CSMD2: variants seen among roughly 807,000 people sequenced by gnomAD.
CSMD2 encodes CUB and sushi domain-containing protein 2.
Under a neutral mutation model 398.5 loss-of-function variants are expected in CSMD2, and 130 were observed. The observed-to-expected ratio is 0.33, with a 90% CI of 0.28 to 0.38. CSMD2 has a LOEUF of 0.38. Among genes scored for constraint, CSMD2 ranks in the 10% least tolerant of loss-of-function variants. The pLI, the probability that CSMD2 is intolerant of heterozygous loss-of-function variation, is 1.00. For synonymous variants in CSMD2, 1,828 were observed against 1,908.5 expected, an observed-to-expected ratio of 0.96 and a Z score of 1.10; for missense variants, 3,829 against 4,764.9, an observed-to-expected ratio of 0.80 and a Z score of 5.78.
chr1:33,691,524 T>C (rs1645240398), intron 25 of CSMD2, among the ~76,000 whole-genome samples: 1 of 152,230 alleles, frequency 6.6e-6, no homozygotes, highest in Admixed American at 6.5e-5. Context: ...TCTATATTTC[T>C]TGCAGCAAAA....
chr1:33,688,677 G>A (rs996484015), intron 25 of CSMD2, among the ~76,000 whole-genome samples: 3 of 151,890 alleles, frequency 2.0e-5, no homozygotes, highest in Non-Finnish European at 2.9e-5. Context: ...TTAGCCAGGC[G>A]TGATGGCGCT....
chr1:33,777,616 C>T (rs569494517), intron 12 of CSMD2, among the ~76,000 whole-genome samples: 6 of 152,184 alleles, frequency 3.9e-5, no homozygotes, highest in Non-Finnish European at 8.8e-5. Context: ...ATCACACATG[C>T]AATTTCCTGT....
At chr1:34,102,567 C>T (rs1389675628) in intron 1 of CSMD2, among the ~76,000 whole-genome samples, 1 of 151,448 alleles carries the variant, frequency 6.6e-6, no homozygotes, top group East Asian at 1.9e-4. Context: ...CCAACCATAT[C>T]CCTGTGATCC....
rs912357143 is a variant in CSMD2 at position 33,982,005 on chromosome 1, G to A, written c.518-46051C>T. ...GGCTGTAAGTCTGCTGATTTGTGCC[G>A]AGGGCATGGGTGAAGGCAGAGAAGG... On this transcript the variant is annotated intron_variant, in intron 3 of 70. Coordinates refer to ENST00000373381, the MANE Select transcript of CSMD2 (RefSeq NM_001281956.2). Among the ~76,000 whole-genome samples the A allele has an allele frequency of 3.9e-5, 6 of 152,306 alleles. 1 individual carries two copies. The highest frequency in any genetic ancestry group is 4.1e-4 in the South Asian group (2 of 4,822).
Position 33,518,545 on chromosome 1 carries a change from C to A in CSMD2, c.*53+920G>T, listed in dbSNP as rs1356757917. Among the ~76,000 whole-genome samples, 1 of 152,168 alleles carries A rather than the reference C, an allele frequency of 6.6e-6. No individual in the cohort carries two copies. Among genetic ancestry groups the A allele is most frequent in the African/African-American group, 2.4e-5 (1 of 41,430 alleles). ...GGTGCTCAGTTGATGGGTCAAACAC[C>A]AATCTGGATATTGCTGTGAAGGTAT... On this transcript the variant is annotated intron_variant, in intron 70 of 70. Coordinates refer to ENST00000373381, the MANE Select transcript of CSMD2 (RefSeq NM_001281956.2). This position sits in a 1 kb window ranked among gnomAD's most constrained non-coding sequence, Gnocchi z 4.3.
intron 53 of CSMD2, among the ~76,000 whole-genome samples, chr1:33,561,967 G>T (rs1478057387): frequency 6.6e-6 from 1 of 152,102 alleles, no homozygotes; most frequent in Non-Finnish European, 1.5e-5. Context: ...GAAGAATGTT[G>T]AGGATTAAAA....
At chr1:33,574,908 A>G (rs1659926133) in intron 49 of CSMD2, among the ~76,000 whole-genome samples, 1 of 152,236 alleles carries the variant, frequency 6.6e-6, no homozygotes, top group Admixed American at 6.5e-5. Context: ...AAATACTTGG[A>G]TCTCCACTGG....
intron 3 of CSMD2, among the ~76,000 whole-genome samples, chr1:33,999,824 AAAAAG>A (rs1414777573): frequency 6.6e-6 from 1 of 152,238 alleles, no homozygotes; most frequent in Non-Finnish European, 1.5e-5. Flanking sequence ...TATACTCAAA[AAAAAG>A]AAGAAGAAAA....
At chr1:33,994,247 G>A (rs1047285782) in intron 3 of CSMD2, among the ~76,000 whole-genome samples, 2 of 152,126 alleles carry the variant, frequency 1.3e-5, no homozygotes, top group South Asian at 2.1e-4. Context: ...TGGATCCAGC[G>A]GGGTATGCTT....
intron 3 of CSMD2, 137 bp downstream of exon 3, chr1:34,032,457 G>A (rs1304077695): frequency 4.7e-5 from 26 of 553,316 alleles, no homozygotes; most frequent in Non-Finnish European, 7.4e-5. Flanking sequence ...TTACTGGTTA[G>A]TAACCAGCCT....
chr1:33,738,061 A>G (rs1646939539), intron 15 of CSMD2, among the ~76,000 whole-genome samples: 1 of 151,804 alleles, frequency 6.6e-6, no homozygotes, highest in Non-Finnish European at 1.5e-5. Context: ...CTTGTCTCCC[A>G]TCGAGCCATT....
intron 3 of CSMD2, among the ~76,000 whole-genome samples, chr1:33,967,470 C>G (rs188666480): frequency 3.3e-5 from 5 of 152,276 alleles, no homozygotes; most frequent in Admixed American, 3.3e-4. Context: ...AGTGTGCACA[C>G]CCTCTTTCCC....
At chr1:33,612,617 A>G (rs1641083266) in intron 40 of CSMD2, among the ~76,000 whole-genome samples, 1 of 151,994 alleles carries the variant, frequency 6.6e-6, no homozygotes, top group African/African-American at 2.4e-5. Context: ...TTATCCAACC[A>G]TACAGTTCAC....
chr1:33,913,006 G>A (rs1194091642), intron 5 of CSMD2, among the ~76,000 whole-genome samples: 1 of 151,982 alleles, frequency 6.6e-6, no homozygotes, highest in African/African-American at 2.4e-5. Context: ...AGAGACAGGT[G>A]TCTCCATGTT....
intron 2 of CSMD2, among the ~76,000 whole-genome samples, chr1:34,084,648 A>G (rs1382974469): frequency 6.6e-6 from 1 of 152,156 alleles, no homozygotes; most frequent in Non-Finnish European, 1.5e-5. Context: ...ATCACTGGCC[A>G]TCAGAGAAAT....
intron 23 of CSMD2, among the ~76,000 whole-genome samples, chr1:33,700,100 C>A (rs986855329): frequency 9.9e-5 from 15 of 152,012 alleles, no homozygotes; most frequent in South Asian, 2.1e-4. Context: ...CCTCTGCCTT[C>A]CGGGTTCAAG....
At chr1:33,955,473 A>C (rs979142189) in intron 3 of CSMD2, among the ~76,000 whole-genome samples, 17 of 152,122 alleles carry the variant, frequency 1.1e-4, no homozygotes, top group South Asian at 1.0e-3. Flanking sequence ...CTTCTTAATT[A>C]GTTTCCTCAT....
intron 2 of CSMD2, among the ~76,000 whole-genome samples, chr1:34,068,242 T>G (rs536992774): frequency 1.1e-4 from 16 of 152,320 alleles, no homozygotes; most frequent in African/African-American, 3.8e-4. Flanking sequence ...ATAAAGTCCT[T>G]CCTCATCCTG....
At chr1:33,679,884 G>A (rs945199058) in intron 25 of CSMD2, among the ~76,000 whole-genome samples, 2 of 150,340 alleles carry the variant, frequency 1.3e-5, no homozygotes, top group South Asian at 2.1e-4. Flanking sequence ...AGCATTCCCT[G>A]TGTCTCTTTT....
Sources: allele counts gnomAD v4.1 joint callset (sites outside exome capture counted in the v4.1 genomes callset), GRCh38; gene constraint gnomAD v4.1.1; non-coding constraint Gnocchi (gnomAD v3.1); transcripts MANE v1.5; gene names NCBI Gene and HGNC (gene_info 2026-07-23, HGNC 2026-07-21).